Variants in ARMC9 observed in about 807,000 individuals in gnomAD.
The protein encoded by ARMC9 is lisH domain-containing protein ARMC9.
ARMC9 carries 94 observed loss-of-function variants against 107.0 expected under a neutral mutation model. The ratio of observed to expected loss-of-function variants is 0.88; its 90% CI spans 0.74 to 1.04. ARMC9 has a LOEUF of 1.04. ARMC9 is among the 50% of genes least tolerant of loss of function. The pLI is 0.00. For missense variants in ARMC9, 942 were observed against 1,030.1 expected, an observed-to-expected ratio of 0.91 and a Z score of 1.17; for synonymous variants, 380 against 396.9, an observed-to-expected ratio of 0.96 and a Z score of 0.51.
chr2:231,359,117 G>A (rs1028987238), intron 22 of ARMC9, among the ~76,000 whole-genome samples: 8 of 137,418 alleles, frequency 5.8e-5, no homozygotes, highest in Non-Finnish European at 1.1e-4. Context: ...ATGGAGTCTC[G>A]CTCTCTCACC....
intron 9 of ARMC9, among the ~76,000 whole-genome samples, chr2:231,251,526 C>A (rs1403178658): frequency 6.6e-6 from 1 of 152,100 alleles, no homozygotes; most frequent in Non-Finnish European, 1.5e-5. Flanking sequence ...GCTGGTGCCA[C>A]CATTATGCAG....
At chr2:231,302,919 G>A (rs886788739) in intron 19 of ARMC9, among the ~76,000 whole-genome samples, 54 of 152,278 alleles carry the variant, frequency 3.5e-4, no homozygotes, top group Non-Finnish European at 2.4e-4. Context: ...TGGGAGAATC[G>A]CCTGAACCCG....
intron 8 of ARMC9, among the ~76,000 whole-genome samples, chr2:231,235,666 G>C (rs545639880): frequency 6.6e-6 from 1 of 152,232 alleles, no homozygotes; most frequent in African/African-American, 2.4e-5. Context: ...TTTTGAGATG[G>C]AGTTTTGCTC....
intron 17 of ARMC9, among the ~76,000 whole-genome samples, chr2:231,284,060 C>T (rs2040411097): frequency 6.6e-6 from 1 of 152,180 alleles, no homozygotes; most frequent in African/African-American, 2.4e-5. Context: ...CATGTAACAA[C>T]ATTTTGGTCA....
At chr2:231,254,851 A>C (rs1486806877) in intron 9 of ARMC9, among the ~76,000 whole-genome samples, 1 of 152,018 alleles carries the variant, frequency 6.6e-6, no homozygotes, top group Non-Finnish European at 1.5e-5. Context: ...CTTCTCCTCT[A>C]CTTATTCCCT....
intron 19 of ARMC9, among the ~76,000 whole-genome samples, chr2:231,330,296 C>T (rs552697405): frequency 5.9e-4 from 85 of 143,216 alleles, no homozygotes; most frequent in African/African-American, 1.8e-3. Flanking sequence ...GGCGCAATTT[C>T]GTCTTCTAAT....
intron 1 of ARMC9, among the ~76,000 whole-genome samples, chr2:231,201,710 T>G (rs2031008556): frequency 6.6e-6 from 1 of 152,228 alleles, no homozygotes; most frequent in South Asian, 2.1e-4. Flanking sequence ...TTAGTTCCAG[T>G]GTCCCATCGT....
chr2:231,300,152 A>G (rs185064815), intron 19 of ARMC9, among the ~76,000 whole-genome samples: 3 of 152,322 alleles, frequency 2.0e-5, no homozygotes, highest in Non-Finnish European at 2.9e-5. Flanking sequence ...TTCCTGTGCT[A>G]TTCTAGAAGA....
intron 7 of ARMC9, among the ~76,000 whole-genome samples, chr2:231,228,083 A>C (rs990815714): frequency 3.9e-5 from 6 of 152,162 alleles, no homozygotes; most frequent in Non-Finnish European, 7.4e-5. Flanking sequence ...CCGCTCTCTC[A>C]GTGCTAGCCT....
intron 17 of ARMC9, among the ~76,000 whole-genome samples, chr2:231,284,022 A>G (rs774002281): frequency 9.9e-5 from 15 of 152,208 alleles, no homozygotes; most frequent in Admixed American, 2.6e-4. Context: ...GAGCCTGGCC[A>G]TTGAATTTTT....
chr2:231,263,097 G>A (rs906533489), intron 12 of ARMC9, among the ~76,000 whole-genome samples: 1 of 152,202 alleles, frequency 6.6e-6, no homozygotes, highest in Admixed American at 6.5e-5. Flanking sequence ...TGGACAGGAG[G>A]AGGATCAGGA....
chr2:231,287,576 G>T (rs116195572), intron 17 of ARMC9, among the ~76,000 whole-genome samples: 325 of 152,146 alleles, frequency 2.1e-3, no homozygotes, highest in Admixed American at 4.8e-3. Flanking sequence ...TTTCGACGGG[G>T]TCTCACTATG....
intron 5 of ARMC9, among the ~76,000 whole-genome samples, chr2:231,222,197 T>C (rs1227283251): frequency 6.6e-6 from 1 of 152,236 alleles, no homozygotes; most frequent in Non-Finnish European, 1.5e-5. Flanking sequence ...TTGAGATAAA[T>C]AATTTGTTTT....
chr2:231,227,118 GTTCTT>G (rs1258112500), intron 7 of ARMC9, among the ~76,000 whole-genome samples: 1 of 152,122 alleles, frequency 6.6e-6, no homozygotes, highest in Non-Finnish European at 1.5e-5. Context: ...TAAGGATAGA[GTTCTT>G]TTAATTTAAT....
intron 5 of ARMC9, among the ~76,000 whole-genome samples, chr2:231,221,683 C>G (rs1574647495): frequency 6.7e-6 from 1 of 148,542 alleles, no homozygotes; most frequent in South Asian, 2.1e-4. Context: ...AAAAAAAATA[C>G]AAAAATTAGC....
chr2:231,317,100 T>C (rs1161833263), intron 19 of ARMC9, among the ~76,000 whole-genome samples: 3 of 152,226 alleles, frequency 2.0e-5, no homozygotes, highest in Non-Finnish European at 4.4e-5. Context: ...TTTTTTTTCT[T>C]TGGTTCTTAG....
rs149223447 is a variant in ARMC9, at chr2:231,206,034, T to G, written c.-41-164T>G. Among the ~76,000 whole-genome samples the G allele has an allele frequency of 5.3e-3, 811 of 152,352 alleles. 12 individuals are homozygous for G. The highest frequency in any genetic ancestry group is 0.019 in the African/African-American group (779 of 41,580). On this transcript the variant is annotated intron_variant, in intron 1 of 24. Transcript: ENST00000611582. ...GCTGATGAGCAACCTTAATTCCATC[T>G]GCACCTTAATTCCCCCTTGCCGTGT...
chr2:231,267,697 C>T (rs2038974601), intron 12 of ARMC9, among the ~76,000 whole-genome samples: 2 of 152,164 alleles, frequency 1.3e-5, no homozygotes, highest in Admixed American at 1.3e-4. Context: ...GAAGGGGGAG[C>T]TAGAACTTCA....
intron 10 of ARMC9, among the ~76,000 whole-genome samples, chr2:231,257,125 G>A (rs2037898961): frequency 6.6e-6 from 1 of 152,170 alleles, no homozygotes; most frequent in Non-Finnish European, 1.5e-5. Flanking sequence ...ATCTTATATT[G>A]TTAATTCTAT....
Sources: allele counts gnomAD v4.1 joint callset (sites outside exome capture counted in the v4.1 genomes callset), GRCh38; gene constraint gnomAD v4.1.1; transcripts MANE v1.5; gene names NCBI Gene and HGNC (gene_info 2026-07-23, HGNC 2026-07-21).